Variants in COL22A1 observed in about 807,000 individuals in gnomAD.
COL22A1 encodes collagen alpha-1(XXII) chain.
In COL22A1, 221 loss-of-function variants were observed where a neutral mutation model predicts 248.9. That is an observed-to-expected ratio of 0.89 (90% CI 0.80 to 0.99). The LOEUF (loss-of-function observed/expected upper bound fraction) is 0.99, where lower values mean the gene tolerates loss of function less well. Among genes scored for constraint, COL22A1 ranks in the 50% least tolerant of loss-of-function variants. The probability of loss-of-function intolerance (pLI) is 0.00; values close to 1 mark genes in which losing one functional copy is unlikely to be tolerated. For synonymous variants in COL22A1, 891 were observed against 793.4 expected (o/e 1.12, Z -2.07); for missense variants, 2,240 against 2,179.0 (o/e 1.03, Z -0.56).
chr8:138,762,359 C>G, intron 17 of COL22A1, 54 bp downstream of exon 17: 2 of 1,559,892 alleles, frequency 1.3e-6, no homozygotes, highest in Non-Finnish European at 1.8e-6. Context: ...TCTGGTCATT[C>G]CCATCCTCTG....
chr8:138,694,747 G>C, intron 33 of COL22A1, 79 bp downstream of exon 33: 1 of 1,537,850 alleles, frequency 6.5e-7, no homozygotes, highest in Non-Finnish European at 8.9e-7. Flanking sequence ...GCACGGTGCA[G>C]ATCTACAGCT....
intron 3 of COL22A1, among the ~76,000 whole-genome samples, chr8:138,876,469 T>C (rs1181117702): frequency 6.6e-6 from 1 of 152,210 alleles, no homozygotes; most frequent in African/African-American, 2.4e-5. Flanking sequence ...GTGTCTTGTC[T>C]TTTTCTGTAG....
chr8:138,829,710 G>T (rs1819883275), intron 5 of COL22A1, among the ~76,000 whole-genome samples: 1 of 151,994 alleles, frequency 6.6e-6, no homozygotes, highest in Non-Finnish European at 1.5e-5. Flanking sequence ...AAAGTGCTAG[G>T]ATTACAGACA....
Position 138,716,227 on chromosome 8 carries a change from C to A in COL22A1, c.2463G>T (p.Gln821His). 4.4e-6 allele frequency: 7 copies of A among 1,582,274 alleles called. No individual in the cohort carries two copies. The highest frequency in any genetic ancestry group is 6.0e-6 in the Non-Finnish European group (7 of 1,161,772). ...GGAGGAAGGAAGCTGCCACACTTAC[C>A]TGGTCTCCTTTCTCTCCTCTCACAC... Reference protein sequence around the residue: ...FPGVRGEKGDQGEKGELGLPG... With the variant: ...FPGVRGEKGDHGEKGELGLPG... Residue 821 changes from glutamine (Q) to histidine (H), a missense_variant and splice_region_variant, in exon 29 of 65, where the codon CAG becomes CAT. Transcript: ENST00000303045.
At chr8:138,757,886 G>A (rs1316569127) in intron 18 of COL22A1, among the ~76,000 whole-genome samples, 1 of 152,170 alleles carries the variant, frequency 6.6e-6, no homozygotes, top group Non-Finnish European at 1.5e-5. Context: ...CCGTCTCCAC[G>A]ACGGTCCCCC....
At chr8:138,844,702 G>A (rs1821111234) in intron 3 of COL22A1, among the ~76,000 whole-genome samples, 1 of 152,126 alleles carries the variant, frequency 6.6e-6, no homozygotes, top group Non-Finnish European at 1.5e-5. Flanking sequence ...TGTAATCCCA[G>A]CACTTTGGGA....
chr8:138,708,976 A>C (rs1428119913), intron 30 of COL22A1, among the ~76,000 whole-genome samples: 2 of 152,208 alleles, frequency 1.3e-5, no homozygotes, highest in African/African-American at 4.8e-5. Flanking sequence ...AAATGGGCAA[A>C]GGATATGAAC....
intron 62 of COL22A1, among the ~76,000 whole-genome samples, chr8:138,596,267 T>C (rs371693178): frequency 1.3e-5 from 2 of 152,204 alleles, no homozygotes; most frequent in African/African-American, 2.4e-5. Context: ...CAATGCAACA[T>C]GACTGAAAGG....
intron 39 of COL22A1, among the ~76,000 whole-genome samples, chr8:138,682,393 C>T (rs895238316): frequency 1.3e-5 from 2 of 152,134 alleles, no homozygotes; most frequent in African/African-American, 4.8e-5. Context: ...TATGCAAGTA[C>T]AAAAGAAGTA....
At chr8:138,811,983 A>G (rs1818275844) in intron 8 of COL22A1, 62 bp from the exon 9 acceptor site, 8 of 1,485,900 alleles carry the variant, frequency 5.4e-6, no homozygotes, top group Non-Finnish European at 7.2e-6. Context: ...TCCCTGGCAG[A>G]AGCACAGTGT....
At chr8:138,806,168 T>G (rs1412651934) in intron 10 of COL22A1, among the ~76,000 whole-genome samples, 1 of 10,300 alleles carries the variant, frequency 9.7e-5, no homozygotes, top group Admixed American at 1.2e-3. Flanking sequence ...GTGTGTGTGA[T>G]GGTGTAAGTA....
chr8:138,823,828 G>A (rs1819358274), intron 6 of COL22A1, among the ~76,000 whole-genome samples: 1 of 152,112 alleles, frequency 6.6e-6, no homozygotes, highest in African/African-American at 2.4e-5. Context: ...CTTCATCTCT[G>A]TAATCCCAGT....
chr8:138,785,522 G>T (rs765165075), intron 12 of COL22A1, among the ~76,000 whole-genome samples: 2 of 152,294 alleles, frequency 1.3e-5, no homozygotes, highest in East Asian at 3.9e-4. Flanking sequence ...GGGGTGACTC[G>T]CCTGAGATGT....
At chr8:138,667,865 C>A (rs1824650204) in intron 41 of COL22A1, among the ~76,000 whole-genome samples, 1 of 152,042 alleles carries the variant, frequency 6.6e-6, no homozygotes, top group East Asian at 1.9e-4. Context: ...CCTGTGAAGT[C>A]TTGCCAACAA....
intron 16 of COL22A1, 119 bp downstream of exon 16, chr8:138,775,827 TACATGTACACACATGTGCAC>T: frequency 1.2e-6 from 1 of 844,426 alleles, no homozygotes; most frequent in South Asian, 1.4e-5. Flanking sequence ...CATGCAAATA[TACATGTACACACATGTGCAC>T]ACATGCACAC....
chr8:138,675,601 A>C (rs1310122026), intron 41 of COL22A1, among the ~76,000 whole-genome samples: 4 of 152,354 alleles, frequency 2.6e-5, no homozygotes, highest in African/African-American at 9.6e-5. Context: ...CTTTTAAACA[A>C]TAGCAAGACA....
intron 3 of COL22A1, among the ~76,000 whole-genome samples, chr8:138,852,113 T>A (rs1057050128): frequency 6.6e-6 from 1 of 152,004 alleles, no homozygotes; most frequent in African/African-American, 2.4e-5. Flanking sequence ...TGGGGACACA[T>A]GGCTGGAACA....
Position 138,861,954 on chromosome 8 carries a change from C to T in COL22A1, c.658+15796G>A, listed in dbSNP as rs550888870. On this transcript the variant is annotated intron_variant, in intron 3 of 64. Transcript: ENST00000303045. ...CTGGAATCCCAGCACTTTGGAAGGC[C>T]GAGGCGGGCAGATCACTTGAGGTCA... Among the ~76,000 whole-genome samples the T allele has an allele frequency of 4.2e-5, 6 of 142,404 alleles. No individual in the cohort carries two copies. The South Asian group carries it at 8.8e-4, about 21-fold the overall frequency. The allele number at this position is 142,404 out of a possible 152,430, so 93.4% of individuals were successfully genotyped here.
chr8:138,685,237 G>T lies in COL22A1; in HGVS notation c.2938C>A (p.Pro980Thr), dbSNP rs1826254044. 1 of 1,613,406 alleles carries T rather than the reference G, an allele frequency of 6.2e-7. No homozygotes were observed. The highest frequency in any genetic ancestry group is 8.5e-7 in the Non-Finnish European group (1 of 1,179,630). The change falls in exon 38 of 65, where the codon CCA (proline) becomes ACA (threonine). Residue 980 changes from proline (P) to threonine (T), a missense_variant. Coordinates refer to ENST00000303045, the MANE Select transcript of COL22A1 (RefSeq NM_152888.3). ...TCTCCATCCTTCCCTTTTCCGGGTG[G>T]CCCAGGGAGCCCAGGAGCACCAGGA... ...GDPGAPGLPG[P>T]PGKGKDGEPG...
Sources: gnomAD v4.1 joint callset for allele counts (sites outside exome capture counted in the v4.1 genomes callset) on GRCh38, gnomAD v4.1.1 for gene constraint, MANE v1.5 for transcripts, NCBI Gene and HGNC (gene_info 2026-07-23, HGNC 2026-07-21) for gene names.